The following ZDHHC14 variants were observed in gnomAD, a reference collection of about 807,000 sequenced individuals.
ZDHHC14 encodes zDHHC palmitoyltransferase 14.
A neutral mutation model predicts 47.7 loss-of-function variants in ZDHHC14; 16 were observed. The observed-to-expected ratio is 0.34, with a 90% CI of 0.23 to 0.51. ZDHHC14 has a LOEUF of 0.51. ZDHHC14 is among the 20% of genes least tolerant of loss of function. ZDHHC14 has a pLI of 0.97. For synonymous variants in ZDHHC14, 293 were observed against 278.9 expected, an observed-to-expected ratio of 1.05 and a Z score of -0.50; for missense variants, 515 against 662.5, an observed-to-expected ratio of 0.78 and a Z score of 2.44.
At chr6:157,494,525 C>A (rs1780008371) in intron 1 of ZDHHC14, among the ~76,000 whole-genome samples, 1 of 152,162 alleles carries the variant, frequency 6.6e-6, no homozygotes, top group Non-Finnish European at 1.5e-5. Context: ...AACATGTGGC[C>A]TGGACTGCAG....
chr6:157,637,268 T>G (rs1371998811), intron 5 of ZDHHC14, among the ~76,000 whole-genome samples: 2 of 151,896 alleles, frequency 1.3e-5, no homozygotes, highest in East Asian at 3.9e-4. Flanking sequence ...TGAGGAAGAG[T>G]GTGCCAAAGT....
chr6:157,431,501 A>G (rs1342599447), intron 1 of ZDHHC14, among the ~76,000 whole-genome samples: 1 of 151,538 alleles, frequency 6.6e-6, no homozygotes, highest in Non-Finnish European at 1.5e-5. Flanking sequence ...GTGGACAAGA[A>G]TTCTGTTTTG....
intron 1 of ZDHHC14, among the ~76,000 whole-genome samples, chr6:157,541,280 C>T (rs890218778): frequency 6.6e-6 from 1 of 152,140 alleles, no homozygotes; most frequent in Non-Finnish European, 1.5e-5. Context: ...GGTCTGCAGG[C>T]CTCTTGAAGG....
intron 1 of ZDHHC14, among the ~76,000 whole-genome samples, chr6:157,451,181 C>G (rs947881153): frequency 4.6e-5 from 7 of 152,146 alleles, no homozygotes; most frequent in Admixed American, 6.5e-5. Context: ...TTCTTCAGAG[C>G]TTACAGATGC....
intron 5 of ZDHHC14, among the ~76,000 whole-genome samples, chr6:157,635,641 A>G (rs1223268896): frequency 6.6e-6 from 1 of 152,228 alleles, no homozygotes; most frequent in Non-Finnish European, 1.5e-5. Flanking sequence ...CTTTGAGAGC[A>G]CACGTCTGCA....
At chr6:157,613,018 A>C (rs187872481) in intron 3 of ZDHHC14, among the ~76,000 whole-genome samples, 30 of 152,240 alleles carry the variant, frequency 2.0e-4, no homozygotes, top group African/African-American at 7.0e-4. Flanking sequence ...AGAAATGATC[A>C]TTTAAAAAAA....
chr6:157,504,650 A>C (rs780868674), intron 1 of ZDHHC14, among the ~76,000 whole-genome samples: 5 of 151,604 alleles, frequency 3.3e-5, no homozygotes, highest in Non-Finnish European at 7.4e-5. Flanking sequence ...ACCTCAGGTG[A>C]TCTGCCCACC....
intron 1 of ZDHHC14, among the ~76,000 whole-genome samples, chr6:157,382,597 A>G (rs1001636295): frequency 6.6e-6 from 1 of 152,048 alleles, no homozygotes; most frequent in Non-Finnish European, 1.5e-5. Flanking sequence ...GAGTTTGGGG[A>G]CCCAGCAAAT....
intron 1 of ZDHHC14, among the ~76,000 whole-genome samples, chr6:157,419,862 A>G (rs999727215): frequency 5.9e-5 from 9 of 152,278 alleles, no homozygotes; most frequent in African/African-American, 2.2e-4. Flanking sequence ...GGAAACCACT[A>G]CATTGTGTTC....
chr6:157,645,857 CG>C lies in ZDHHC14; in HGVS notation c.855+21del. 1 of 1,605,978 alleles carries C rather than the reference CG, an allele frequency of 6.2e-7. No homozygotes were observed. The highest frequency in any genetic ancestry group is 8.5e-7 in the Non-Finnish European group (1 of 1,173,284). On this transcript the variant is annotated intron_variant, in intron 6 of 8. Coordinates refer to ENST00000359775, the MANE Select transcript of ZDHHC14 (RefSeq NM_024630.3). ...ATGAGGACGTAAGTTCCTGACCACA[CG>C]GGACACGGGCGTGTTCTTGGGTTTT... is the stretch of plus-strand genomic sequence containing the variant.
intron 2 of ZDHHC14, among the ~76,000 whole-genome samples, chr6:157,564,784 A>G (rs1782838582): frequency 1.3e-5 from 2 of 152,214 alleles, no homozygotes; most frequent in Non-Finnish European, 2.9e-5. Flanking sequence ...GATCAGACTT[A>G]GATAAAACTC....
intron 1 of ZDHHC14, among the ~76,000 whole-genome samples, chr6:157,396,800 A>G (rs1469088508): frequency 6.6e-6 from 1 of 152,212 alleles, no homozygotes; most frequent in Non-Finnish European, 1.5e-5. Flanking sequence ...TAACATTATT[A>G]CTTAGGATTA....
At chr6:157,490,485 T>C (rs921955951) in intron 1 of ZDHHC14, among the ~76,000 whole-genome samples, 1 of 152,260 alleles carries the variant, frequency 6.6e-6, no homozygotes, top group Non-Finnish European at 1.5e-5. Flanking sequence ...AAGGTATATC[T>C]ACATGAAACC....
At chr6:157,403,767 A>G (rs1777690866) in intron 1 of ZDHHC14, among the ~76,000 whole-genome samples, 1 of 152,262 alleles carries the variant, frequency 6.6e-6, no homozygotes, top group African/African-American at 2.4e-5. Flanking sequence ...TCCTTAGCTA[A>G]TGTGACACCA....
In ZDHHC14 at chr6:157,454,556, G is replaced by A. The variant is rs373705562; in HGVS notation, c.245+72290G>A. Among the ~76,000 whole-genome samples, 15 of 149,758 alleles carry A rather than the reference G, an allele frequency of 1.0e-4. No individual in the cohort carries two copies. The South Asian group carries it at 3.2e-3, about 32-fold the overall frequency. On this transcript the variant is annotated intron_variant, in intron 1 of 8. Transcript: ENST00000359775. Reference sequence around the variant, plus strand: ...CCTGTTTCCCAGGCTAGAGTTCAGTGGTGGTGTGATCCTAGCTCACTGCAG... The same window carrying A: ...CCTGTTTCCCAGGCTAGAGTTCAGTAGTGGTGTGATCCTAGCTCACTGCAG...
At position 157,394,005 on chromosome 6, in the gene ZDHHC14, G is replaced by A. The variant is rs550075619; in HGVS notation, c.245+11739G>A. On this transcript the variant is annotated intron_variant, in intron 1 of 8. Transcript: ENST00000359775. ...CCTCTTGCCTGTAGAGATCTCTGCCGAGGTGTCCTCTGACTCCCAGAAAGC... is the reference window on the plus strand; with the variant it reads ...CCTCTTGCCTGTAGAGATCTCTGCCAAGGTGTCCTCTGACTCCCAGAAAGC... Among the ~76,000 whole-genome samples, 20 of 152,232 alleles carry A rather than the reference G, an allele frequency of 1.3e-4. No individual in the cohort carries two copies. The East Asian group carries it at 1.5e-3, about 12-fold the overall frequency.
intron 3 of ZDHHC14, 151 bp downstream of exon 3, chr6:157,593,297 C>A: frequency 9.4e-7 from 1 of 1,060,686 alleles, no homozygotes; most frequent in Non-Finnish European, 1.3e-6. Context: ...GGCCTAGAGT[C>A]ACCAAATATC....
At chr6:157,622,216 C>CAAAA (rs35681787) in intron 3 of ZDHHC14, among the ~76,000 whole-genome samples, 110 of 93,520 alleles carry the variant, frequency 1.2e-3, no homozygotes, top group African/African-American at 1.4e-3. Flanking sequence ...ACTAAAAATA[C>CAAAA]AAAAAAAAAA....
chr6:157,616,541 G>A lies in ZDHHC14; in HGVS notation c.566-11808G>A, dbSNP rs562937691. Among the ~76,000 whole-genome samples, 11 of 152,180 alleles carry A rather than the reference G, an allele frequency of 7.2e-5. No individual in the cohort carries two copies. In the South Asian group the frequency reaches 8.3e-4, roughly 11 times the overall value. On this transcript the variant is annotated intron_variant, in intron 3 of 8. Transcript: ENST00000359775. ...CCCACAGGCACCCTAGAGGACGAGC[G>A]GCCCTGTGCCCAGCAGGAAAGGCTG...
Sources: allele counts gnomAD v4.1 joint callset (sites outside exome capture counted in the v4.1 genomes callset), GRCh38; gene constraint gnomAD v4.1.1; transcripts MANE v1.5; gene names NCBI Gene and HGNC (gene_info 2026-07-23, HGNC 2026-07-21).